EPG5: variants seen among roughly 807,000 people sequenced by gnomAD.
The protein encoded by EPG5 is ectopic P-granules 5 autophagy tethering factor.
EPG5 carries 159 observed loss-of-function variants against 302.7 expected under a neutral mutation model. The observed-to-expected ratio is 0.53, with a 90% CI of 0.46 to 0.60. EPG5 has a LOEUF of 0.60. EPG5 is among the 20% of genes least tolerant of loss of function. The pLI, the probability that EPG5 is intolerant of heterozygous loss-of-function variation, is 0.00. For synonymous variants in EPG5, 1,158 were observed against 1,136.8 expected (o/e 1.02, Z -0.37); for missense variants, 2,896 against 3,092.4 (o/e 0.94, Z 1.51).
At position 45,861,270 on chromosome 18, in the gene EPG5, A is replaced by G. The variant is rs1359293000; in HGVS notation, c.6767-924T>C. ...CAAGTTTGAGAGAGATAGTAACAGTATATCTGTCTATTTCTTCATGTATTT... is the reference window on the plus strand; with the variant it reads ...CAAGTTTGAGAGAGATAGTAACAGTGTATCTGTCTATTTCTTCATGTATTT... On this transcript the variant is annotated intron_variant, in intron 39 of 43. Coordinates refer to ENST00000282041, the MANE Select transcript of EPG5 (RefSeq NM_020964.3). Among the ~76,000 whole-genome samples, 9 of 152,362 alleles carry G rather than the reference A, an allele frequency of 5.9e-5. No homozygotes were observed. In the South Asian group the frequency reaches 1.7e-3, roughly 28 times the overall value.
chr18:45,852,763 G>C, intron 43 of EPG5, 114 bp from the exon 44 acceptor site: 1 of 941,234 alleles, frequency 1.1e-6, no homozygotes. Flanking sequence ...TTGTGGGAAG[G>C]AGGCCTACAG....
At chr18:45,834,984 G>C in the EPG5 span, among the ~76,000 whole-genome samples, 1 of 152,068 alleles carries the variant, frequency 6.6e-6, no homozygotes, top group South Asian at 2.1e-4. Flanking sequence ...TTTGGAGCAA[G>C]GTTCTTTGAT....
chr18:45,838,025 A>C, the EPG5 span: 1 of 1,195,628 alleles, frequency 8.4e-7, no homozygotes, highest in Non-Finnish European at 1.1e-6. Flanking sequence ...CCTCTCCTCT[A>C]CCCCAGGGAT....
chr18:45,901,074 G>A lies in EPG5; in HGVS notation c.4568C>T (p.Ser1523Phe). The change falls in exon 26 of 44, where the codon TCC (serine) becomes TTC (phenylalanine). Residue 1523 changes from serine (S) to phenylalanine (F), a missense_variant. Physicochemically the swap from Ser to Phe is radical, Grantham distance 155 (BLOSUM62 -2). This residue lies in a region of EPG5 where 790 missense variants were observed against 798.0 expected (regional missense o/e 0.99). Coordinates refer to ENST00000282041, the MANE Select transcript of EPG5 (RefSeq NM_020964.3). ...CTTCTGACTCAATAGCACAGCAGAGGAAATAACTGGCACAGGAGGCTTCGT... is the reference window on the plus strand; with the variant it reads ...CTTCTGACTCAATAGCACAGCAGAGAAAATAACTGGCACAGGAGGCTTCGT... ...HPTKPPVPVI[S>F]SAVLLSQKDA... The A allele has an allele frequency of 6.2e-7, 1 of 1,614,202 alleles. No individual in the cohort carries two copies. Among genetic ancestry groups the A allele is most frequent in the South Asian group, 1.1e-5 (1 of 91,078 alleles).
intron 11 of EPG5, among the ~76,000 whole-genome samples, chr18:45,933,947 C>T (rs916698749): frequency 2.0e-5 from 3 of 151,968 alleles, no homozygotes; most frequent in Admixed American, 6.6e-5. Flanking sequence ...CTACAACATA[C>T]ATCTAATTAA....
intron 39 of EPG5, among the ~76,000 whole-genome samples, chr18:45,864,946 A>G (rs2048714683): frequency 6.6e-6 from 1 of 152,206 alleles, no homozygotes; most frequent in Non-Finnish European, 1.5e-5. Context: ...TCTTTACAGT[A>G]AAAATGTCAC....
At chr18:45,912,261 A>T in intron 22 of EPG5, 29 bp downstream of exon 22, 1 of 1,529,924 alleles carries the variant, frequency 6.5e-7, no homozygotes, top group East Asian at 2.3e-5. Context: ...AAATGGACTC[A>T]CAGAAACCTA....
At chr18:45,907,379 A>G (rs1366131252) in intron 24 of EPG5, 1 of 152,232 alleles carries the variant, frequency 6.6e-6, no homozygotes, top group East Asian at 1.9e-4. Flanking sequence ...GAGAAAACTG[A>G]CATCACAAGT....
chr18:45,907,894 C>T lies in EPG5; in HGVS notation c.4329+64G>A, dbSNP rs1457352878. 8.5e-6 allele frequency: 12 copies of T among 1,418,858 alleles called. No homozygotes were observed. The East Asian group carries it at 1.7e-4, about 20-fold the overall frequency. 87.9% of individuals were successfully genotyped at this position (1,418,858 alleles called of 1,614,324 possible). A position where few individuals can be genotyped will look rare whatever the true frequency, so the allele number is the denominator to read the frequency against. On this transcript the variant is annotated intron_variant, in intron 24 of 43. Coordinates refer to ENST00000282041, the MANE Select transcript of EPG5 (RefSeq NM_020964.3). ...ATAAATTGTTTTATTATGAATATGA[C>T]CAGTTCAAATTACATTCAGATATGC...
At chr18:45,828,350 C>A in the EPG5 span, among the ~76,000 whole-genome samples, 3 of 152,202 alleles carry the variant, frequency 2.0e-5, no homozygotes, top group African/African-American at 7.2e-5. Context: ...CAGTGCCCAG[C>A]AGCCCCTAAT....
the EPG5 span, among the ~76,000 whole-genome samples, chr18:45,839,727 G>A: frequency 6.6e-6 from 1 of 152,194 alleles, no homozygotes; most frequent in Non-Finnish European, 1.5e-5. Context: ...GCTCTTCCTA[G>A]CAGAGATCAT....
chr18:45,958,941 C>G (rs1159996493), intron 1 of EPG5, among the ~76,000 whole-genome samples: 3 of 152,152 alleles, frequency 2.0e-5, no homozygotes. Context: ...GAAAACAGCT[C>G]CAACTCCCTG....
chr18:45,916,371 G>C, intron 18 of EPG5, 67 bp downstream of exon 18: 2 of 1,575,642 alleles, frequency 1.3e-6, no homozygotes, highest in Non-Finnish European at 8.7e-7. Context: ...ACCTAAGTGT[G>C]CTAACGCTAG....
downstream of EPG5, chr18:45,843,530 T>C (rs2048342485): frequency 6.6e-6 from 1 of 152,156 alleles, no homozygotes; most frequent in Non-Finnish European, 1.5e-5. Flanking sequence ...CATATACTAT[T>C]GGTGGGAATG....
chr18:45,860,475 AG>A, intron 39 of EPG5, 129 bp from the exon 40 acceptor site: 1 of 1,130,832 alleles, frequency 8.8e-7, no homozygotes. Context: ...GCTGACTGCA[AG>A]GGACTGGAAG....
Position 45,852,499 on chromosome 18 carries a change from G to C in EPG5, c.7708C>G (p.Pro2570Ala). The stretch of plus-strand genomic sequence containing the variant: ...ATGTGGTCCAAATAATGCACTTCTG[G>C]ATACAGACAGTTAACGAGAAGAGCC... ...FLALLVNCLY[P>A]EVHYLDHIR The change falls in exon 44 of 44, where the codon CCA becomes GCA. Residue 2570 changes from proline to alanine, a missense_variant. By Grantham distance (27) the Pro-to-Ala change is conservative. Around this residue, in one of 5 missense-constraint regions of EPG5, gnomAD observed 620 missense variants for 704.2 expected, o/e 0.88. Coordinates refer to ENST00000282041, the MANE Select transcript of EPG5 (RefSeq NM_020964.3). 6.2e-7 allele frequency: 1 copy of C among 1,614,162 alleles called. No homozygotes were observed. Among genetic ancestry groups the C allele is most frequent in the Non-Finnish European group, 8.5e-7 (1 of 1,180,034 alleles).
In EPG5 at chr18:45,916,411, G is replaced by T. The variant is rs200435465; in HGVS notation, c.3384+27C>A. 601 of 1,598,692 alleles carry T rather than the reference G, an allele frequency of 3.8e-4. 2 individuals carry two copies. In the African/African-American group the frequency reaches 6.5e-3, roughly 17 times the overall value. ...CTTGGTTGGGAAGACAGGCGGGAGT[G>T]TGCTTAGGGGCTTGCAAGGCCCTCA... On this transcript the variant is annotated intron_variant, in intron 18 of 43. Coordinates refer to ENST00000282041, the MANE Select transcript of EPG5 (RefSeq NM_020964.3).
chr18:45,950,651 A>G (rs1199573691), intron 4 of EPG5, among the ~76,000 whole-genome samples: 2 of 152,216 alleles, frequency 1.3e-5, no homozygotes, highest in African/African-American at 4.8e-5. Flanking sequence ...TCTGAACACA[A>G]TATTCATTTG....
the EPG5 span, among the ~76,000 whole-genome samples, chr18:45,804,439 C>A: frequency 6.6e-6 from 1 of 152,092 alleles, no homozygotes; most frequent in Non-Finnish European, 1.5e-5. Flanking sequence ...CTCAGCAAAT[C>A]CCAATCAAGT....
Sources: gnomAD v4.1 joint callset for allele counts (sites outside exome capture counted in the v4.1 genomes callset) on GRCh38, gnomAD v4.1.1 for gene constraint, gnomAD v4.1.1 regional missense constraint, MANE v1.5 for transcripts, NCBI Gene and HGNC (gene_info 2026-07-23, HGNC 2026-07-21) for gene names.